The following ROBO1 variants were observed in gnomAD, a reference collection of about 807,000 sequenced individuals.
The protein encoded by ROBO1 is roundabout homolog 1.
Under a neutral mutation model 195.9 loss-of-function variants are expected in ROBO1, and 149 were observed. That is an observed-to-expected ratio of 0.76 (90% CI 0.67 to 0.87). The LOEUF is 0.87. ROBO1 is among the 40% of genes least tolerant of loss of function. The pLI is 0.00. For synonymous variants in ROBO1, 816 were observed against 733.2 expected, an observed-to-expected ratio of 1.11 and a Z score of -1.82; for missense variants, 1,933 against 2,068.3, an observed-to-expected ratio of 0.93 and a Z score of 1.27.
chr3:78,768,609 T>G (rs1218545968), intron 4 of ROBO1, among the ~76,000 whole-genome samples: 1 of 152,016 alleles, frequency 6.6e-6, no homozygotes. Flanking sequence ...TACATAGACA[T>G]GTACATATAT....
chr3:79,006,508 G>A (rs1197607853), intron 3 of ROBO1, among the ~76,000 whole-genome samples: 1 of 152,008 alleles, frequency 6.6e-6, no homozygotes, highest in Non-Finnish European at 1.5e-5. Context: ...TGGTGCAAGC[G>A]CTTATTATTA....
At chr3:78,829,919 C>A (rs1390083423) in intron 4 of ROBO1, among the ~76,000 whole-genome samples, 1 of 152,008 alleles carries the variant, frequency 6.6e-6, no homozygotes, top group Non-Finnish European at 1.5e-5. Flanking sequence ...GCTTTAAAAA[C>A]ATAAAAACAG....
At chr3:78,784,048 A>C (rs2083759576) in intron 4 of ROBO1, among the ~76,000 whole-genome samples, 1 of 152,170 alleles carries the variant, frequency 6.6e-6, no homozygotes, top group East Asian at 1.9e-4. Context: ...GTAACTACGC[A>C]GAAAAAAAAG....
In ROBO1 at chr3:79,657,908, T is replaced by C. The variant is rs1358634112; in HGVS notation, c.-50-67947A>G. Among the ~76,000 whole-genome samples, 4 of 152,020 alleles carry C rather than the reference T, an allele frequency of 2.6e-5. No individual in the cohort carries two copies. The South Asian group carries it at 8.3e-4, about 32-fold the overall frequency. On this transcript the variant is annotated intron_variant, in intron 1 of 30. Transcript: ENST00000464233. ...ATGGACTTAGTAAGCCAGCACACTCTCTATGACTTGAGGGAATCATAAAAA... is the reference window on the plus strand; with the variant it reads ...ATGGACTTAGTAAGCCAGCACACTCCCTATGACTTGAGGGAATCATAAAAA...
chr3:78,884,651 G>GA (rs1491439440), intron 4 of ROBO1, among the ~76,000 whole-genome samples: 3 of 32,462 alleles, frequency 9.2e-5, no homozygotes, highest in African/African-American at 3.2e-4. Flanking sequence ...AAGAAAGAAA[G>GA]GAAGGAAGGA....
At chr3:79,322,644 C>A (rs2034033164) in intron 2 of ROBO1, among the ~76,000 whole-genome samples, 1 of 152,166 alleles carries the variant, frequency 6.6e-6, no homozygotes. Flanking sequence ...TATATATGGA[C>A]AGCAGGCTAA....
chr3:78,841,131 T>C (rs575399321), intron 4 of ROBO1, among the ~76,000 whole-genome samples: 1 of 151,906 alleles, frequency 6.6e-6, no homozygotes, highest in Non-Finnish European at 1.5e-5. Context: ...ATGTTGTATG[T>C]TAATAAAATA....
chr3:78,698,225 A>G (rs919166455), intron 8 of ROBO1, among the ~76,000 whole-genome samples: 3 of 152,180 alleles, frequency 2.0e-5, no homozygotes, highest in African/African-American at 7.2e-5. Flanking sequence ...CAAGTAGTAA[A>G]ACTATCTATA....
At chr3:79,010,648 T>C (rs2108207838) in intron 3 of ROBO1, among the ~76,000 whole-genome samples, 1 of 152,272 alleles carries the variant, frequency 6.6e-6, no homozygotes, top group South Asian at 2.1e-4. Context: ...TATCTACATA[T>C]AGACTCCTAA....
chr3:79,566,634 GT>G (rs1559998511), intron 2 of ROBO1, among the ~76,000 whole-genome samples: 1 of 152,058 alleles, frequency 6.6e-6, no homozygotes, highest in African/African-American at 2.4e-5. Context: ...CTTTAAAGGC[GT>G]GACACAAACT....
intron 2 of ROBO1, among the ~76,000 whole-genome samples, chr3:79,434,215 TG>T (rs1468440798): frequency 6.6e-6 from 1 of 152,036 alleles, no homozygotes; most frequent in Non-Finnish European, 1.5e-5. Flanking sequence ...AATTGACAAA[TG>T]GGATCTATTT....
intron 2 of ROBO1, among the ~76,000 whole-genome samples, chr3:79,279,944 GGC>G (rs1280350400): frequency 6.6e-6 from 1 of 152,118 alleles, no homozygotes; most frequent in Non-Finnish European, 1.5e-5. Context: ...TATAATTCAT[GGC>G]AACATGGATG....
At chr3:79,644,747 G>C (rs1945768074) in intron 1 of ROBO1, among the ~76,000 whole-genome samples, 1 of 152,032 alleles carries the variant, frequency 6.6e-6, no homozygotes, top group African/African-American at 2.4e-5. Context: ...TCACTAACTG[G>C]TGCAGAATAC....
intron 1 of ROBO1, among the ~76,000 whole-genome samples, chr3:79,761,159 T>C (rs2088489274): frequency 6.7e-6 from 1 of 148,174 alleles, no homozygotes; most frequent in South Asian, 2.1e-4. Flanking sequence ...TATTTAAAAA[T>C]ATAATATATG....
intron 21 of ROBO1, among the ~76,000 whole-genome samples, chr3:78,642,274 C>T (rs983739676): frequency 6.6e-6 from 1 of 152,142 alleles, no homozygotes; most frequent in African/African-American, 2.4e-5. Context: ...TCAATTCCTA[C>T]TCTTCTCTTG....
chr3:79,148,993 T>C (rs886538860), intron 2 of ROBO1, among the ~76,000 whole-genome samples: 2 of 151,882 alleles, frequency 1.3e-5, no homozygotes, highest in African/African-American at 4.8e-5. Flanking sequence ...TTCCCAGCAA[T>C]TGGGACTTAA....
Position 78,811,222 on chromosome 3 carries a change from T to G in ROBO1, c.500-64322A>C, listed in dbSNP as rs145471090. On this transcript the variant is annotated intron_variant, in intron 4 of 30. Transcript: ENST00000464233. ...TGCTGGCTAAAGTGCCAAAATGATTTGGATTTCAATTTTGTTTCTAAAACA... is the reference window on the plus strand; with the variant it reads ...TGCTGGCTAAAGTGCCAAAATGATTGGGATTTCAATTTTGTTTCTAAAACA... Among the ~76,000 whole-genome samples the G allele has an allele frequency of 2.2e-3, 334 of 152,296 alleles. 4 individuals carry two copies. Among genetic ancestry groups the G allele is most frequent in the African/African-American group, 7.7e-3 (319 of 41,566 alleles).
chr3:79,754,607 C>G (rs1704288405), intron 1 of ROBO1, among the ~76,000 whole-genome samples: 1 of 152,170 alleles, frequency 6.6e-6, no homozygotes, highest in Non-Finnish European at 1.5e-5. Context: ...ATCATTCTTT[C>G]TCCTCATAGG....
chr3:79,324,572 C>G (rs1051164346), intron 2 of ROBO1, among the ~76,000 whole-genome samples: 5 of 151,894 alleles, frequency 3.3e-5, no homozygotes, highest in African/African-American at 1.2e-4. Context: ...GATTACTTAT[C>G]AGGAGAAACA....
Sources: gnomAD v4.1 joint callset for allele counts (sites outside exome capture counted in the v4.1 genomes callset) on GRCh38, gnomAD v4.1.1 for gene constraint, MANE v1.5 for transcripts, NCBI Gene and HGNC (gene_info 2026-07-23, HGNC 2026-07-21) for gene names.